Variants in IGSF11 observed in about 807,000 individuals in gnomAD.
The protein encoded by IGSF11 is CXADR like 1.
Under a neutral mutation model 41.0 loss-of-function variants are expected in IGSF11, and 22 were observed. The observed-to-expected ratio is 0.54, with a 90% confidence interval of 0.38 to 0.77. IGSF11 has a LOEUF of 0.77. IGSF11 is among the 30% of genes least tolerant of loss of function. IGSF11 has a pLI of 0.00. For missense variants in IGSF11, 444 were observed against 530.8 expected (o/e 0.84, Z 1.61); for synonymous variants, 219 against 201.3 (o/e 1.09, Z -0.74).
intron 1 of IGSF11, among the ~76,000 whole-genome samples, chr3:119,065,324 T>C (rs996335193): frequency 1.3e-5 from 2 of 152,254 alleles, no homozygotes; most frequent in African/African-American, 2.4e-5. Context: ...TTTTTTTGAA[T>C]GCCAAATCAT....
chr3:118,973,092 T>C (rs1429300387), intron 1 of IGSF11, among the ~76,000 whole-genome samples: 1 of 152,230 alleles, frequency 6.6e-6, no homozygotes, highest in Non-Finnish European at 1.5e-5. Flanking sequence ...CCCACTGTTT[T>C]GTTCTCTCTG....
intron 1 of IGSF11, among the ~76,000 whole-genome samples, chr3:119,044,886 C>CA (rs1941259416): frequency 6.6e-6 from 1 of 152,058 alleles, no homozygotes; most frequent in Non-Finnish European, 1.5e-5. Context: ...GCTTGCACTA[C>CA]AAAAAATGCT....
chr3:119,023,788 A>G (rs1939551651), intron 1 of IGSF11, among the ~76,000 whole-genome samples: 1 of 152,196 alleles, frequency 6.6e-6, no homozygotes, highest in African/African-American at 2.4e-5. Flanking sequence ...GACCCCCACT[A>G]TGTCAAGAGA....
chr3:118,906,206 T>G (rs1439209498), intron 4 of IGSF11, among the ~76,000 whole-genome samples: 1 of 152,084 alleles, frequency 6.6e-6, no homozygotes, highest in African/African-American at 2.4e-5. Flanking sequence ...TTAGCTCAGA[T>G]CCTCCAAGAA....
At chr3:119,033,187 T>C (rs979152588) in intron 1 of IGSF11, among the ~76,000 whole-genome samples, 4 of 152,334 alleles carry the variant, frequency 2.6e-5, no homozygotes, top group Admixed American at 6.5e-5. Context: ...TATTATAATA[T>C]ACAACTTTAA....
chr3:118,921,887 G>A (rs940477124), intron 4 of IGSF11, among the ~76,000 whole-genome samples: 12 of 152,036 alleles, frequency 7.9e-5, no homozygotes, highest in East Asian at 1.9e-4. Context: ...GCAAATTTTA[G>A]TAGGCAAATT....
intron 1 of IGSF11, among the ~76,000 whole-genome samples, chr3:119,020,111 CTG>C (rs1335141441): frequency 2.0e-5 from 3 of 152,182 alleles, no homozygotes; most frequent in South Asian, 2.1e-4. Flanking sequence ...GCCTCTAAAA[CTG>C]TGAGAAATAA....
intron 1 of IGSF11, among the ~76,000 whole-genome samples, chr3:119,059,146 A>G (rs1022274889): frequency 3.0e-5 from 4 of 134,098 alleles, no homozygotes; most frequent in Non-Finnish European, 6.5e-5. Flanking sequence ...TTAAAAAAAG[A>G]AAGAAAATGT....
chr3:119,110,647 T>C (rs544377341), intron 1 of IGSF11, among the ~76,000 whole-genome samples: 2 of 152,344 alleles, frequency 1.3e-5, no homozygotes, highest in African/African-American at 4.8e-5. Flanking sequence ...TGTTAGCTCG[T>C]TATTTTGCTC....
intron 1 of IGSF11, among the ~76,000 whole-genome samples, chr3:119,034,121 C>G (rs75166470): frequency 0.026 from 3,907 of 152,252 alleles, 137 homozygotes; most frequent in African/African-American, 0.089. Flanking sequence ...TAAAGTTTTC[C>G]AAATGATTTT....
chr3:119,082,371 A>C (rs544268328), intron 1 of IGSF11, among the ~76,000 whole-genome samples: 1 of 152,294 alleles, frequency 6.6e-6, no homozygotes, highest in Non-Finnish European at 1.5e-5. Context: ...GCAAAGAGGA[A>C]TATGATCAGT....
chr3:118,996,577 C>T (rs573515281), intron 1 of IGSF11, among the ~76,000 whole-genome samples: 2 of 152,126 alleles, frequency 1.3e-5, no homozygotes, highest in Non-Finnish European at 1.5e-5. Context: ...ACTTTAAAGA[C>T]AAAGAACATG....
intron 1 of IGSF11, among the ~76,000 whole-genome samples, chr3:118,963,945 C>G (rs749931047): frequency 9.2e-5 from 14 of 152,068 alleles, no homozygotes; most frequent in Non-Finnish European, 1.3e-4. Flanking sequence ...AGAAGAGAAG[C>G]CTTTTGTTCT....
chr3:119,116,771 G>A (rs1174206991), intron 1 of IGSF11, among the ~76,000 whole-genome samples: 1 of 152,148 alleles, frequency 6.6e-6, no homozygotes, highest in Non-Finnish European at 1.5e-5. Flanking sequence ...CACCATTATG[G>A]TAGATTGGCC....
At chr3:118,984,927 A>G (rs1420874581) in intron 1 of IGSF11, among the ~76,000 whole-genome samples, 1 of 152,214 alleles carries the variant, frequency 6.6e-6, no homozygotes, top group Non-Finnish European at 1.5e-5. Context: ...CTTCCAGGAA[A>G]GAAAAGGCAG....
At chr3:119,064,370 T>A (rs1942153011) in intron 1 of IGSF11, among the ~76,000 whole-genome samples, 1 of 152,084 alleles carries the variant, frequency 6.6e-6, no homozygotes, top group African/African-American at 2.4e-5. Flanking sequence ...TAGGGGGTTT[T>A]CCCTCTATTC....
At chr3:118,995,097 T>A (rs1936137763) in intron 1 of IGSF11, among the ~76,000 whole-genome samples, 1 of 152,168 alleles carries the variant, frequency 6.6e-6, no homozygotes, top group South Asian at 2.1e-4. Flanking sequence ...TCAAACCTTC[T>A]CCTAAGGCAA....
Position 119,119,722 on chromosome 3 carries a change from GACT to G in IGSF11, c.-13-14520_-13-14518del, listed in dbSNP as rs1387862687. Among the ~76,000 whole-genome samples, 12 of 152,170 alleles carry G rather than the reference GACT, an allele frequency of 7.9e-5. No individual in the cohort carries two copies. The South Asian group carries it at 2.3e-3, about 29-fold the overall frequency. On this transcript the variant is annotated intron_variant, in intron 1 of 7. Coordinates refer to the IGSF11 transcript ENST00000425327. ...AAAATTTCAATTCTCAGAGTACGGT[GACT>G]ACCTCACTCTGGTTCTCCTCAGAAC...
intron 1 of IGSF11, among the ~76,000 whole-genome samples, chr3:119,068,337 T>C (rs866440335): frequency 2.0e-5 from 3 of 152,186 alleles, no homozygotes; most frequent in Non-Finnish European, 4.4e-5. Context: ...TAAGCTTGAG[T>C]ACATTATTGC....
Sources: gnomAD v4.1 joint callset for allele counts (sites outside exome capture counted in the v4.1 genomes callset) on GRCh38, gnomAD v4.1.1 for gene constraint, MANE v1.5 for transcripts, NCBI Gene and HGNC (gene_info 2026-07-23, HGNC 2026-07-21) for gene names.